ADARB2: variants seen among roughly 807,000 people sequenced by gnomAD.
The protein encoded by ADARB2 is adenosine deaminase RNA specific B2 (inactive).
ADARB2 carries 25 observed loss-of-function variants against 62.2 expected under a neutral mutation model. The ratio of observed to expected loss-of-function variants is 0.40; its 90% confidence interval spans 0.29 to 0.56. The LOEUF is 0.56. Ranked by LOEUF, ADARB2 falls within the 20% of genes least tolerant of loss-of-function variation. The probability of loss-of-function intolerance (pLI) is 0.43; values close to 1 mark genes in which losing one functional copy is unlikely to be tolerated. For missense variants in ADARB2, 1,071 were observed against 1,077.4 expected (o/e 0.99, Z 0.08); for synonymous variants, 572 against 500.8 (o/e 1.14, Z -1.90).
chr10:1,569,833 C>T (rs1311640682), intron 1 of ADARB2, among the ~76,000 whole-genome samples: 3 of 152,066 alleles, frequency 2.0e-5, no homozygotes, highest in Admixed American at 2.0e-4. Flanking sequence ...TAAATGACGT[C>T]CTAAAAGAAT....
chr10:1,626,509 C>T (rs902127691), intron 1 of ADARB2, among the ~76,000 whole-genome samples: 3 of 152,192 alleles, frequency 2.0e-5, no homozygotes, highest in South Asian at 2.1e-4. Context: ...AGGTCTTTTC[C>T]GCAGGTGCTG....
At chr10:1,550,072 G>T (rs1019038872) in intron 1 of ADARB2, among the ~76,000 whole-genome samples, 2 of 152,204 alleles carry the variant, frequency 1.3e-5, no homozygotes, top group Non-Finnish European at 2.9e-5. Context: ...CCTACACCCA[G>T]CAGGGCCAAA....
intron 1 of ADARB2, among the ~76,000 whole-genome samples, chr10:1,579,937 G>T (rs568423578): frequency 1.3e-5 from 2 of 152,164 alleles, no homozygotes; most frequent in Admixed American, 1.3e-4. Flanking sequence ...AGGACTCAGG[G>T]GCTCCCTTTT....
intron 1 of ADARB2, among the ~76,000 whole-genome samples, chr10:1,488,804 GA>G (rs1249311389): frequency 1.5e-3 from 235 of 152,358 alleles, no homozygotes; most frequent in African/African-American, 5.5e-3. Flanking sequence ...TTCCTCGGGG[GA>G]AAACGCTCGC....
chr10:1,206,460 G>A (rs67456501), intron 7 of ADARB2, among the ~76,000 whole-genome samples: 39,707 of 151,246 alleles, frequency 0.26, 5,545 homozygotes, highest in African/African-American at 0.34. Context: ...TCTCCTCCTC[G>A]TGCCTGTGCG....
rs117085612 is a variant in ADARB2 at position 1,180,746 on chromosome 10, G to T, written c.*2447C>A. Reference sequence around the variant, plus strand: ...CCTCAACCTCACTCTGGCTGCATTGGAAACTCTTCTGTCGCTATCGGCCTT... The same window carrying T: ...CCTCAACCTCACTCTGGCTGCATTGTAAACTCTTCTGTCGCTATCGGCCTT... On this transcript the variant is annotated 3_prime_UTR_variant, in exon 10 of 10. Coordinates refer to ENST00000381312, the MANE Select transcript of ADARB2 (RefSeq NM_018702.4). 234 of 152,502 alleles carry T rather than the reference G, an allele frequency of 1.5e-3. 7 individuals carry two copies. The East Asian group carries it at 0.038, about 25-fold the overall frequency. The allele number at this position is 152,502 out of a possible 1,614,324, so 9.4% of individuals were successfully genotyped here. A position where few individuals can be genotyped will look rare whatever the true frequency, so the allele number is the denominator to read the frequency against.
At chr10:1,655,739 C>T (rs1348758445) in intron 1 of ADARB2, among the ~76,000 whole-genome samples, 1 of 151,812 alleles carries the variant, frequency 6.6e-6, no homozygotes. Context: ...GGCTGGCTTT[C>T]AGGAGTAAGT....
intron 1 of ADARB2, among the ~76,000 whole-genome samples, chr10:1,669,989 G>T (rs1208743171): frequency 5.3e-5 from 8 of 152,168 alleles, no homozygotes; most frequent in Non-Finnish European, 1.2e-4. Context: ...CACATGGGAA[G>T]AAACCATTCA....
At chr10:1,664,358 T>A (rs1035090133) in intron 1 of ADARB2, among the ~76,000 whole-genome samples, 7 of 152,162 alleles carry the variant, frequency 4.6e-5, no homozygotes, top group Non-Finnish European at 7.4e-5. Context: ...ACAGAGTGTG[T>A]TCAGCTTTGC....
chr10:1,220,065 GATGGTGATGGTGATGATGGTGGTA>G (rs1564225146), intron 6 of ADARB2, among the ~76,000 whole-genome samples: 5 of 146,156 alleles, frequency 3.4e-5, no homozygotes, highest in Middle Eastern at 7.2e-3. Context: ...TGGTGGTGAT[GATGGTGATGGTGATGATGGTGGTA>G]ATGGTGATGG....
intron 1 of ADARB2, among the ~76,000 whole-genome samples, chr10:1,717,022 G>GTTATTCTGATCACA: frequency 6.6e-6 from 1 of 151,950 alleles, no homozygotes; most frequent in African/African-American, 2.4e-5. Flanking sequence ...TTCTGATCAC[G>GTTATTCTGATCACA]TTATTCTGAT....
intron 1 of ADARB2, among the ~76,000 whole-genome samples, chr10:1,568,093 A>C (rs1832880746): frequency 6.6e-6 from 1 of 152,234 alleles, no homozygotes; most frequent in Non-Finnish European, 1.5e-5. Flanking sequence ...GAATCATCTC[A>C]GTGACCAGTG....
chr10:1,528,297 C>T lies in ADARB2; in HGVS notation c.101-149137G>A, dbSNP rs570695482. ...GATTTTTAAAGGGACATATCAAATA[C>T]TGTTCCTCCATTTCTGGTTCCTTTC... On this transcript the variant is annotated intron_variant, in intron 1 of 9. Transcript: ENST00000381312. Among the ~76,000 whole-genome samples, 89 of 152,346 alleles carry T rather than the reference C, an allele frequency of 5.8e-4. 2 individuals carry two copies. In the South Asian group the frequency reaches 0.017, roughly 29 times the overall value.
intron 3 of ADARB2, among the ~76,000 whole-genome samples, chr10:1,324,826 A>G (rs1056503276): frequency 1.3e-5 from 2 of 152,146 alleles, no homozygotes; most frequent in Admixed American, 1.3e-4. Context: ...CACAACCTAC[A>G]CCTGGGATAA....
At position 1,195,035 on chromosome 10, in the gene ADARB2, G is replaced by A. The variant is rs574609231; in HGVS notation, c.1864+4931C>T. 1.2e-4 allele frequency among the ~76,000 whole-genome samples: 18 copies of A among 152,346 alleles called. No homozygotes were observed. In the East Asian group the frequency reaches 3.1e-3, roughly 26 times the overall value. On this transcript the variant is annotated intron_variant, in intron 8 of 9. Transcript: ENST00000381312. ...GAGACCATTTCAAGCTATAAACACT[G>A]TAAGGGGCTGTTTGCCTTGAGCCCA...
At position 1,601,819 on chromosome 10, in the gene ADARB2, G is replaced by C. The variant is rs139110534; in HGVS notation, c.100+135232C>G. Among the ~76,000 whole-genome samples, 702 of 152,266 alleles carry C rather than the reference G, an allele frequency of 4.6e-3. 6 individuals are homozygous for C. The highest frequency in any genetic ancestry group is 0.016 in the African/African-American group (664 of 41,540). On this transcript the variant is annotated intron_variant, in intron 1 of 9. Coordinates refer to ENST00000381312, the MANE Select transcript of ADARB2 (RefSeq NM_018702.4). Reference sequence around the variant, plus strand: ...AACAGTTGTCACTGCAATCCTTGTGGGTCACAGTGAGAAAAGTTCAGTTTC... The same window carrying C: ...AACAGTTGTCACTGCAATCCTTGTGCGTCACAGTGAGAAAAGTTCAGTTTC...
At chr10:1,549,124 G>C (rs886647978) in intron 1 of ADARB2, among the ~76,000 whole-genome samples, 1 of 148,312 alleles carries the variant, frequency 6.7e-6, no homozygotes, top group African/African-American at 2.5e-5. Flanking sequence ...CCGGTACACG[G>C]AGTTCGAAAC....
intron 4 of ADARB2, among the ~76,000 whole-genome samples, chr10:1,256,148 G>T (rs765363721): frequency 6.6e-6 from 1 of 152,296 alleles, no homozygotes; most frequent in East Asian, 1.9e-4. Context: ...ATGTGAGCAG[G>T]CACTGTGGAT....
chr10:1,673,744 T>A (rs1039287612), intron 1 of ADARB2, among the ~76,000 whole-genome samples: 2 of 152,152 alleles, frequency 1.3e-5, no homozygotes, highest in Non-Finnish European at 2.9e-5. Flanking sequence ...ACAGGAGCCT[T>A]CAGGGCTGAG....
Sources: gnomAD v4.1 joint callset for allele counts (sites outside exome capture counted in the v4.1 genomes callset) on GRCh38, gnomAD v4.1.1 for gene constraint, MANE v1.5 for transcripts, NCBI Gene and HGNC (gene_info 2026-07-23, HGNC 2026-07-21) for gene names.